BFSP1: variants seen among roughly 807,000 people sequenced by gnomAD.
BFSP1 encodes the protein filensin.
Under a neutral mutation model 43.9 loss-of-function variants are expected in BFSP1, and 38 were observed. That is an observed-to-expected ratio of 0.87 (90% CI 0.67 to 1.14). BFSP1 has a LOEUF of 1.14. BFSP1 is among the 50% of genes most tolerant of loss of function. The pLI, the probability that BFSP1 is intolerant of heterozygous loss-of-function variation, is 0.00. For synonymous variants in BFSP1, 352 were observed against 354.8 expected, an observed-to-expected ratio of 0.99 and a Z score of 0.09; for missense variants, 850 against 875.1, an observed-to-expected ratio of 0.97 and a Z score of 0.36.
upstream of BFSP1, among the ~76,000 whole-genome samples, chr20:17,532,086 A>G (rs563780121): frequency 6.6e-6 from 1 of 152,306 alleles, no homozygotes; most frequent in African/African-American, 2.4e-5. Flanking sequence ...ATGGAGTTTG[A>G]CATGCTTTCT....
chr20:17,494,517 G>A lies in BFSP1; in HGVS notation c.1555C>T (p.Pro519Ser), dbSNP rs565029861. The A allele has an allele frequency of 1.2e-6, 2 of 1,614,200 alleles. No individual in the cohort carries two copies. The highest frequency in any genetic ancestry group is 2.2e-5 in the East Asian group (1 of 44,880). ...QVEPSPESPK[P>S]PLENGQVGLQ... ...CCCACCTGCCCATTCTCTAAAGGGG[G>A]CTTGGGTGACTCAGGAGAGGGCTCC... is the stretch of plus-strand genomic sequence containing the variant. The change falls in exon 8 of 8, where the codon CCC (proline) becomes TCC (serine). Residue 519 changes from proline (P) to serine (S), a missense_variant. Pro to Ser is a moderately conservative substitution (Grantham distance 74). Coordinates refer to ENST00000377873, the MANE Select transcript of BFSP1 (RefSeq NM_001195.5).
At chr20:17,516,002 G>A (rs751425508) in intron 2 of BFSP1, among the ~76,000 whole-genome samples, 13 of 152,252 alleles carry the variant, frequency 8.5e-5, no homozygotes, top group Non-Finnish European at 1.8e-4. Context: ...CTAGGGTTTC[G>A]GTCTGGCAAG....
At chr20:17,546,539 T>TA (rs1474143555) in intron 1 of BFSP1, among the ~76,000 whole-genome samples, 1 of 151,842 alleles carries the variant, frequency 6.6e-6, no homozygotes, top group African/African-American at 2.4e-5. Context: ...CCGTTTCTAC[T>TA]AAAAATATAA....
intron 1 of BFSP1, chr20:17,541,282 A>G: frequency 1.0e-6 from 1 of 982,794 alleles, no homozygotes; most frequent in African/African-American, 1.7e-5. Context: ...GAGGTTTGTC[A>G]TGAAACTCTT....
intron 2 of BFSP1, chr20:17,516,795 C>A: frequency 2.0e-6 from 1 of 508,578 alleles, no homozygotes; most frequent in Non-Finnish European, 3.5e-6. Context: ...TATCTTAAAA[C>A]ATTTCCTTCC....
intron 1 of BFSP1, among the ~76,000 whole-genome samples, chr20:17,552,687 G>A (rs2034914968): frequency 6.6e-6 from 1 of 151,992 alleles, no homozygotes; most frequent in Non-Finnish European, 1.5e-5. Context: ...TTTGAGGGTA[G>A]AACCAACAGA....
rs1359175950 is a variant in BFSP1, at chr20:17,518,876, C to A, written c.439-4060G>T. Among the ~76,000 whole-genome samples the A allele has an allele frequency of 5.9e-5, 9 of 152,290 alleles. No homozygotes were observed. In the East Asian group the frequency reaches 1.5e-3, roughly 26 times the overall value. On this transcript the variant is annotated intron_variant, in intron 2 of 7. Coordinates refer to ENST00000377873, the MANE Select transcript of BFSP1 (RefSeq NM_001195.5). ...TGGCCAGCATGGGTCACATGACCAC[C>A]ATCTTGCCTGACAGCTGGACCACAC...
At chr20:17,538,576 T>C (rs1441115107) in intron 1 of BFSP1, among the ~76,000 whole-genome samples, 2 of 152,180 alleles carry the variant, frequency 1.3e-5, no homozygotes, top group Non-Finnish European at 2.9e-5. Flanking sequence ...ACAACCACGG[T>C]AGGAGTTTTA....
chr20:17,535,668 CA>C (rs2123548771), upstream of BFSP1, among the ~76,000 whole-genome samples: 1 of 152,248 alleles, frequency 6.6e-6, no homozygotes, highest in East Asian at 1.9e-4. Flanking sequence ...GGAAATTAGA[CA>C]AAATATTAAG....
chr20:17,535,348 G>T (rs547846684), upstream of BFSP1, among the ~76,000 whole-genome samples: 1 of 152,280 alleles, frequency 6.6e-6, no homozygotes, highest in Non-Finnish European at 1.5e-5. Flanking sequence ...AGCCAACATG[G>T]TGAAACCCCA....
intron 5 of BFSP1, among the ~76,000 whole-genome samples, chr20:17,506,375 T>C (rs2033937146): frequency 6.6e-6 from 1 of 152,076 alleles, no homozygotes; most frequent in African/African-American, 2.4e-5. Context: ...GTGCTGGTGG[T>C]GACTCATCAA....
At chr20:17,558,236 T>A (rs1291228990) in intron 1 of BFSP1, among the ~76,000 whole-genome samples, 1 of 151,982 alleles carries the variant, frequency 6.6e-6, no homozygotes, top group African/African-American at 2.4e-5. Flanking sequence ...TTTCATTACA[T>A]TAGCCAAAAA....
intron 1 of BFSP1, among the ~76,000 whole-genome samples, chr20:17,543,655 C>CA (rs1444619479): frequency 1.3e-5 from 2 of 152,062 alleles, no homozygotes; most frequent in Non-Finnish European, 2.9e-5. Flanking sequence ...TGATAGGTTA[C>CA]AAAAAATCTA....
chr20:17,564,691 C>T (rs2035100127), intron 1 of BFSP1, among the ~76,000 whole-genome samples: 1 of 151,272 alleles, frequency 6.6e-6, no homozygotes, highest in African/African-American at 2.4e-5. Flanking sequence ...CGGGTTCAAG[C>T]GATTCTCCTG....
At chr20:17,549,361 G>C (rs2034858372) in intron 1 of BFSP1, among the ~76,000 whole-genome samples, 1 of 152,204 alleles carries the variant, frequency 6.6e-6, no homozygotes, top group African/African-American at 2.4e-5. Flanking sequence ...AAGCATGGCA[G>C]GTTCTGCTTC....
chr20:17,495,824 C>G (rs1384996270), intron 7 of BFSP1, among the ~76,000 whole-genome samples: 1 of 152,204 alleles, frequency 6.6e-6, no homozygotes, highest in Non-Finnish European at 1.5e-5. Flanking sequence ...AAAAGTCATC[C>G]CCTGCATCCC....
At chr20:17,546,097 T>C (rs991712657) in intron 1 of BFSP1, among the ~76,000 whole-genome samples, 1 of 152,222 alleles carries the variant, frequency 6.6e-6, no homozygotes, top group African/African-American at 2.4e-5. Context: ...TTCGCACTGC[T>C]ATAAAGAACT....
chr20:17,531,447 C>T (rs927245000), upstream of BFSP1: 1 of 1,201,696 alleles, frequency 8.3e-7, no homozygotes, highest in Non-Finnish European at 1.0e-6. Context: ...TGGGACGTTC[C>T]AGAGCCGATC....
intron 7 of BFSP1, among the ~76,000 whole-genome samples, chr20:17,496,030 C>T (rs2033623096): frequency 2.0e-5 from 3 of 152,248 alleles, no homozygotes; most frequent in Admixed American, 1.3e-4. Flanking sequence ...GCTTACAGGA[C>T]TGCACAGAAT....
Sources: gnomAD v4.1 joint callset for allele counts (sites outside exome capture counted in the v4.1 genomes callset) on GRCh38, gnomAD v4.1.1 for gene constraint, MANE v1.5 for transcripts, NCBI Gene and HGNC (gene_info 2026-07-23, HGNC 2026-07-21) for gene names.